Variants in FGGY observed in about 807,000 individuals in gnomAD.
FGGY encodes the protein FGGY carbohydrate kinase domain-containing protein.
In FGGY, 72 loss-of-function variants were observed where a neutral mutation model predicts 71.3. That is an observed-to-expected ratio of 1.01 (90% confidence interval 0.84 to 1.23). The LOEUF is 1.23. Among genes scored for constraint, FGGY ranks in the 50% most tolerant of loss-of-function variants. The pLI, the probability that FGGY is intolerant of heterozygous loss-of-function variation, is 0.00. For missense variants in FGGY, 668 were observed against 682.3 expected (o/e 0.98, Z 0.23); for synonymous variants, 251 against 250.3 (o/e 1.00, Z -0.02).
At chr1:59,644,991 T>C (rs2097078159) in intron 11 of FGGY, among the ~76,000 whole-genome samples, 1 of 151,198 alleles carries the variant, frequency 6.6e-6, no homozygotes, top group Non-Finnish European at 1.5e-5. Flanking sequence ...AAAAAAAAGA[T>C]AGATGAAGAT....
intron 5 of FGGY, among the ~76,000 whole-genome samples, chr1:59,391,572 C>T (rs987943724): frequency 8.5e-5 from 13 of 152,068 alleles, no homozygotes; most frequent in Admixed American, 4.6e-4. Flanking sequence ...GTGAGAAGCC[C>T]CATCTTTGTC....
At chr1:59,720,123 G>A (rs2097876932) in intron 14 of FGGY, among the ~76,000 whole-genome samples, 1 of 152,128 alleles carries the variant, frequency 6.6e-6, no homozygotes, top group Non-Finnish European at 1.5e-5. Flanking sequence ...TCTGATTACT[G>A]GGGATTTCAT....
intron 4 of FGGY, among the ~76,000 whole-genome samples, chr1:59,375,455 T>A (rs1158712815): frequency 2.0e-5 from 3 of 152,160 alleles, no homozygotes; most frequent in African/African-American, 7.2e-5. Flanking sequence ...CTATCTTCCC[T>A]TCTGAGACCA....
At chr1:59,671,239 C>A (rs2097374321) in intron 13 of FGGY, among the ~76,000 whole-genome samples, 1 of 152,168 alleles carries the variant, frequency 6.6e-6, no homozygotes. Context: ...CAGTCAGGTC[C>A]AGGCAGGGAA....
intron 5 of FGGY, among the ~76,000 whole-genome samples, chr1:59,420,019 T>C (rs1052199495): frequency 2.6e-5 from 4 of 152,220 alleles, no homozygotes; most frequent in Non-Finnish European, 4.4e-5. Context: ...TTTGACAGTT[T>C]TCATTCTGTG....
At chr1:59,431,800 C>T (rs1312010697) in intron 5 of FGGY, among the ~76,000 whole-genome samples, 1 of 152,138 alleles carries the variant, frequency 6.6e-6, no homozygotes, top group African/African-American at 2.4e-5. Flanking sequence ...TTGTAATTTC[C>T]AGAGTGATCA....
intron 11 of FGGY, among the ~76,000 whole-genome samples, chr1:59,658,178 A>G (rs1553377679): frequency 1.3e-5 from 2 of 152,166 alleles, no homozygotes; most frequent in Non-Finnish European, 2.9e-5. Context: ...CAGAACACCT[A>G]CATTCTGGTG....
chr1:59,336,515 T>G (rs983505661), intron 2 of FGGY, among the ~76,000 whole-genome samples: 1 of 148,032 alleles, frequency 6.8e-6, no homozygotes, highest in East Asian at 2.0e-4. Flanking sequence ...TTGGGATACA[T>G]GTGCAGAAAG....
intron 10 of FGGY, among the ~76,000 whole-genome samples, chr1:59,629,416 AG>A (rs2096888212): frequency 6.6e-6 from 1 of 152,174 alleles, no homozygotes; most frequent in South Asian, 2.1e-4. Flanking sequence ...GTTTAAGAAA[AG>A]CTTCATAGGC....
chr1:59,324,446 T>G (rs964828584), intron 2 of FGGY, among the ~76,000 whole-genome samples: 41 of 150,472 alleles, frequency 2.7e-4, no homozygotes, highest in African/African-American at 9.8e-4. Flanking sequence ...CCGGCTAATT[T>G]TTTGTATTTT....
intron 6 of FGGY, among the ~76,000 whole-genome samples, chr1:59,500,831 A>G (rs1034291829): frequency 7.9e-5 from 12 of 152,188 alleles, no homozygotes; most frequent in Non-Finnish European, 1.6e-4. Flanking sequence ...AGGATAAGCA[A>G]TTAATCCTGC....
At chr1:59,650,822 A>G (rs2097150933) in intron 11 of FGGY, among the ~76,000 whole-genome samples, 1 of 146,238 alleles carries the variant, frequency 6.8e-6, no homozygotes, top group South Asian at 2.1e-4. Flanking sequence ...TTGCTTCTCT[A>G]GTTCTTTTAA....
intron 11 of FGGY, among the ~76,000 whole-genome samples, chr1:59,654,651 G>A (rs1055843240): frequency 1.3e-5 from 2 of 152,096 alleles, no homozygotes; most frequent in Non-Finnish European, 2.9e-5. Flanking sequence ...TAGAACCTAT[G>A]AACCTATAAT....
At chr1:59,552,119 C>T (rs545650331) in intron 7 of FGGY, among the ~76,000 whole-genome samples, 46 of 152,262 alleles carry the variant, frequency 3.0e-4, no homozygotes, top group African/African-American at 1.0e-3. Context: ...GTGGTGTTCT[C>T]ATAGTCTGAG....
intron 1 of FGGY, among the ~76,000 whole-genome samples, chr1:59,319,097 T>C (rs1374129698): frequency 2.0e-5 from 3 of 152,230 alleles, no homozygotes; most frequent in Non-Finnish European, 2.9e-5. Flanking sequence ...CAGATGTCAC[T>C]GATTGCAAGA....
chr1:59,520,262 G>A (rs2153645393), intron 7 of FGGY, among the ~76,000 whole-genome samples: 1 of 152,324 alleles, frequency 6.6e-6, no homozygotes, highest in Non-Finnish European at 1.5e-5. Flanking sequence ...TTGTGAAATT[G>A]ACTCTTCAGT....
At chr1:59,367,930 CTT>C (rs1296782428) in intron 4 of FGGY, among the ~76,000 whole-genome samples, 1 of 152,108 alleles carries the variant, frequency 6.6e-6, no homozygotes, top group African/African-American at 2.4e-5. Context: ...AAGCTGTTCT[CTT>C]TGGTTGCTTT....
chr1:59,474,549 A>G (rs780261723), intron 6 of FGGY, among the ~76,000 whole-genome samples: 19 of 152,240 alleles, frequency 1.2e-4, no homozygotes, highest in Non-Finnish European at 2.4e-4. Context: ...ATGTGAGGAC[A>G]TTTAGCCAAT....
chr1:59,538,925 A>T (rs1426438875), intron 7 of FGGY, among the ~76,000 whole-genome samples: 1 of 152,010 alleles, frequency 6.6e-6, no homozygotes, highest in Non-Finnish European at 1.5e-5. Context: ...CAGCGCACCA[A>T]CATGGCACGT....
Sources: allele counts gnomAD v4.1 joint callset (sites outside exome capture counted in the v4.1 genomes callset), GRCh38; gene constraint gnomAD v4.1.1; transcripts MANE v1.5; gene names NCBI Gene and HGNC (gene_info 2026-07-23, HGNC 2026-07-21).